Variants in MYO1D observed in about 807,000 individuals in gnomAD.
MYO1D encodes unconventional myosin-Id.
MYO1D carries 83 observed loss-of-function variants against 122.0 expected under a neutral mutation model. The ratio of observed to expected loss-of-function variants is 0.68; its 90% confidence interval spans 0.57 to 0.82. The LOEUF is 0.82. Among genes scored for constraint, MYO1D ranks in the 40% least tolerant of loss-of-function variants. The pLI is 0.00. For synonymous variants in MYO1D, 464 were observed against 446.9 expected, an observed-to-expected ratio of 1.04 and a Z score of -0.48; for missense variants, 1,157 against 1,269.5, an observed-to-expected ratio of 0.91 and a Z score of 1.35.
intron 19 of MYO1D, among the ~76,000 whole-genome samples, chr17:32,652,696 T>A (rs1472484827): frequency 6.6e-6 from 1 of 152,108 alleles, no homozygotes; most frequent in African/African-American, 2.4e-5. Flanking sequence ...ACTGCTATCA[T>A]CTCCAGGTAA....
rs144505516 is a variant in MYO1D at position 32,732,099 on chromosome 17, C to T, written c.1746+6154G>A. On this transcript the variant is annotated intron_variant, in intron 14 of 21. Coordinates refer to ENST00000318217, the MANE Select transcript of MYO1D (RefSeq NM_015194.3). ...CCCTGCTACCTTGGCCCCCTTCAGACTTTGGATGCCAAAGAGCACAGCGGA... is the reference window on the plus strand; with the variant it reads ...CCCTGCTACCTTGGCCCCCTTCAGATTTTGGATGCCAAAGAGCACAGCGGA... 5.4e-4 allele frequency among the ~76,000 whole-genome samples: 83 copies of T among 152,352 alleles called. 2 individuals carry two copies. In the East Asian group the frequency reaches 0.015, roughly 28 times the overall value.
At chr17:32,838,300 C>T (rs2090846478) in intron 1 of MYO1D, among the ~76,000 whole-genome samples, 1 of 152,084 alleles carries the variant, frequency 6.6e-6, no homozygotes, top group Non-Finnish European at 1.5e-5. Flanking sequence ...TATTCTTTTC[C>T]TCTTCAGATT....
intron 16 of MYO1D, among the ~76,000 whole-genome samples, chr17:32,687,252 A>T (rs369138193): frequency 3.6e-5 from 5 of 138,582 alleles, no homozygotes; most frequent in African/African-American, 1.4e-4. Context: ...GCTGGAGTGC[A>T]GTGGCGCGAT....
At chr17:32,533,896 A>G (rs1910584238) in intron 21 of MYO1D, among the ~76,000 whole-genome samples, 1 of 152,248 alleles carries the variant, frequency 6.6e-6, no homozygotes, top group African/African-American at 2.4e-5. Context: ...AAAATGGGAA[A>G]TTATCAAAAT....
At chr17:32,511,365 A>G (rs1909690879) in intron 21 of MYO1D, among the ~76,000 whole-genome samples, 1 of 152,002 alleles carries the variant, frequency 6.6e-6, no homozygotes. Flanking sequence ...CTGGGACTAC[A>G]GGTGTGTGCT....
chr17:32,800,394 G>T (rs2090450863), intron 1 of MYO1D, among the ~76,000 whole-genome samples: 1 of 152,098 alleles, frequency 6.6e-6, no homozygotes, highest in Non-Finnish European at 1.5e-5. Flanking sequence ...TGTCATTTTT[G>T]ATAACATGGA....
At chr17:32,854,864 G>C (rs1411512540) in intron 1 of MYO1D, among the ~76,000 whole-genome samples, 1 of 152,180 alleles carries the variant, frequency 6.6e-6, no homozygotes, top group African/African-American at 2.4e-5. Flanking sequence ...TGGAATGAGG[G>C]AACTGGATGA....
intron 1 of MYO1D, among the ~76,000 whole-genome samples, chr17:32,863,743 AC>A (rs1360814606): frequency 1.3e-5 from 2 of 152,242 alleles, no homozygotes; most frequent in African/African-American, 4.8e-5. Context: ...AAAGGCACGA[AC>A]ATCTGAGTGC....
At chr17:32,762,058 T>C (rs1025756658) in intron 8 of MYO1D, among the ~76,000 whole-genome samples, 1 of 151,856 alleles carries the variant, frequency 6.6e-6, no homozygotes, top group African/African-American at 2.4e-5. Context: ...CATGGGGTCT[T>C]AGGGAAATTT....
At chr17:32,520,508 T>C (rs1910097088) in intron 21 of MYO1D, among the ~76,000 whole-genome samples, 1 of 152,228 alleles carries the variant, frequency 6.6e-6, no homozygotes, top group African/African-American at 2.4e-5. Context: ...TTATGACATA[T>C]CTGTCCTGGG....
intron 16 of MYO1D, among the ~76,000 whole-genome samples, chr17:32,674,081 T>C (rs2088766733): frequency 2.0e-5 from 3 of 152,180 alleles, no homozygotes; most frequent in Admixed American, 6.5e-5. Flanking sequence ...TCAACTTCCA[T>C]GTATGAAGCT....
intron 1 of MYO1D, among the ~76,000 whole-genome samples, chr17:32,834,407 A>T (rs1039977534): frequency 2.6e-5 from 4 of 152,322 alleles, no homozygotes; most frequent in Admixed American, 2.0e-4. Flanking sequence ...CCTGTGGGTA[A>T]GGCCAAGGTC....
At chr17:32,517,546 G>C (rs143664411) in intron 21 of MYO1D, among the ~76,000 whole-genome samples, 1 of 152,280 alleles carries the variant, frequency 6.6e-6, no homozygotes, top group Non-Finnish European at 1.5e-5. Flanking sequence ...TCCAACCCCA[G>C]AGACTCTGCT....
At chr17:32,698,151 T>C (rs912337424) in intron 16 of MYO1D, among the ~76,000 whole-genome samples, 1 of 152,212 alleles carries the variant, frequency 6.6e-6, no homozygotes, top group African/African-American at 2.4e-5. Context: ...AATGACTTAG[T>C]TAAATAACCA....
Position 32,772,797 on chromosome 17 carries a change from AAGAATGAAAGCTTCTTTC to A in MYO1D, c.592_609del (p.Glu198_Ser203del), listed in dbSNP as rs759231766. On this transcript the variant is annotated inframe_deletion, in exon 5 of 22. Coordinates refer to ENST00000318217, the MANE Select transcript of MYO1D (RefSeq NM_015194.3). Reference sequence around the variant, plus strand: ...TATAATGGATTACTAACCTGATAGAAAGAATGAAAGCTTCTTTCTCCTGGCTGTTGCACAATCACTCGA... The same window carrying A: ...TATAATGGATTACTAACCTGATAGAATCCTGGCTGTTGCACAATCACTCGA... 1 of 1,611,822 alleles carries A rather than the reference AAGAATGAAAGCTTCTTTC, an allele frequency of 6.2e-7. No individual in the cohort carries two copies. The highest frequency in any genetic ancestry group is 1.7e-5 in the Admixed American group (1 of 60,028).
In MYO1D at chr17:32,702,021, T is replaced by C. The variant is rs530900578; in HGVS notation, c.2121+9967A>G. 5.3e-5 allele frequency among the ~76,000 whole-genome samples: 8 copies of C among 152,342 alleles called. No homozygotes were observed. In the South Asian group the frequency reaches 1.7e-3, roughly 32 times the overall value. ...AATATTTCAAGGCTGTCTAACATCATTGCTTAAGGAAAGCTCACAAGCAGG... is the reference window on the plus strand; with the variant it reads ...AATATTTCAAGGCTGTCTAACATCACTGCTTAAGGAAAGCTCACAAGCAGG... On this transcript the variant is annotated intron_variant, in intron 16 of 21. Coordinates refer to ENST00000318217, the MANE Select transcript of MYO1D (RefSeq NM_015194.3).
At chr17:32,816,028 GT>G (rs891721467) in intron 1 of MYO1D, among the ~76,000 whole-genome samples, 4 of 152,220 alleles carry the variant, frequency 2.6e-5, no homozygotes, top group African/African-American at 9.7e-5. Context: ...GAAGTAGCCA[GT>G]TGATTCTTCT....
At chr17:32,859,374 C>T (rs577513727) in intron 1 of MYO1D, among the ~76,000 whole-genome samples, 1 of 152,306 alleles carries the variant, frequency 6.6e-6, no homozygotes, top group African/African-American at 2.4e-5. Context: ...AAGACCATGC[C>T]AGCACGGATG....
chr17:32,592,503 T>C (rs2087447522), intron 21 of MYO1D, among the ~76,000 whole-genome samples: 1 of 152,244 alleles, frequency 6.6e-6, no homozygotes, highest in African/African-American at 2.4e-5. Flanking sequence ...TTTCAGTTTT[T>C]ACAATTAACT....
Sources: allele counts gnomAD v4.1 joint callset (sites outside exome capture counted in the v4.1 genomes callset), GRCh38; gene constraint gnomAD v4.1.1; transcripts MANE v1.5; gene names NCBI Gene and HGNC (gene_info 2026-07-23, HGNC 2026-07-21).